The following PAPOLG variants were observed in gnomAD, a reference collection of about 807,000 sequenced individuals.
PAPOLG encodes the protein poly(A) polymerase gamma.
PAPOLG carries 40 observed loss-of-function variants against 99.0 expected under a neutral mutation model. The ratio of observed to expected loss-of-function variants is 0.40; its 90% CI spans 0.31 to 0.53. The LOEUF (loss-of-function observed/expected upper bound fraction) is 0.53, where lower values mean the gene tolerates loss of function less well. PAPOLG is among the 20% of genes least tolerant of loss of function. The pLI is 0.41. For synonymous variants in PAPOLG, 310 were observed against 299.3 expected (o/e 1.04, Z -0.37); for missense variants, 675 against 884.1 (o/e 0.76, Z 3.00).
intron 13 of PAPOLG, among the ~76,000 whole-genome samples, chr2:60,786,393 A>G (rs1573248079): frequency 6.6e-6 from 1 of 151,106 alleles, no homozygotes. Flanking sequence ...ATACTCGGCC[A>G]ATTTTTTTTG....
chr2:60,762,786 C>G (rs1049691864), intron 3 of PAPOLG, among the ~76,000 whole-genome samples: 1 of 151,902 alleles, frequency 6.6e-6, no homozygotes, highest in Non-Finnish European at 1.5e-5. Context: ...ACCACCACAC[C>G]GGGCTAATTT....
At chr2:60,761,677 G>A in intron 2 of PAPOLG, 64 bp from the exon 3 acceptor site, 1 of 1,446,924 alleles carries the variant, frequency 6.9e-7, no homozygotes, top group Non-Finnish European at 9.7e-7. Context: ...GCCTATATGG[G>A]TTTTTAAAAA....
chr2:60,794,003 C>T lies in PAPOLG; in HGVS notation c.1801C>T (p.Pro601Ser), dbSNP rs377453582. ...VDSTVKTVSP[P>S]TVCTIPTVVG... The stretch of plus-strand genomic sequence containing the variant: ...CTCTACAGTAAAAACTGTATCACCC[C>T]CCACTGTGTGTACCATTCCTACCGT... Residue 601 changes from proline (P) to serine (S), a missense_variant, in exon 19 of 22, where the codon CCC becomes TCC. Pro to Ser is a moderately conservative substitution (Grantham distance 74). Around this residue, in one of 3 missense-constraint regions of PAPOLG, gnomAD observed 413 missense variants for 460.5 expected, o/e 0.90. Coordinates refer to ENST00000238714, the MANE Select transcript of PAPOLG (RefSeq NM_022894.4). The T allele has an allele frequency of 2.7e-5, 43 of 1,612,148 alleles. No individual in the cohort carries two copies. The highest frequency in any genetic ancestry group is 3.6e-5 in the Non-Finnish European group (43 of 1,178,362).
At chr2:60,780,827 C>A in intron 10 of PAPOLG, 48 bp downstream of exon 10, 1 of 1,421,358 alleles carries the variant, frequency 7.0e-7, no homozygotes, top group Non-Finnish European at 9.9e-7. Flanking sequence ...AGGAAGAGGA[C>A]ATTTCACTAA....
intron 11 of PAPOLG, 119 bp from the exon 12 acceptor site, chr2:60,782,564 GAAA>G (rs34284101): frequency 1.6e-6 from 2 of 1,223,422 alleles, no homozygotes; most frequent in South Asian, 1.9e-5. Flanking sequence ...CTCAAAAAAA[GAAA>G]AAAAAAAATT....
At chr2:60,785,972 A>G (rs1671349837) in intron 13 of PAPOLG, among the ~76,000 whole-genome samples, 3 of 152,158 alleles carry the variant, frequency 2.0e-5, no homozygotes, top group Admixed American at 2.0e-4. Context: ...TCAGGAATGC[A>G]TTACATAGAT....
chr2:60,793,304 T>C (rs1010830500), intron 17 of PAPOLG, among the ~76,000 whole-genome samples: 1 of 150,616 alleles, frequency 6.6e-6, no homozygotes, highest in Non-Finnish European at 1.5e-5. Flanking sequence ...CATCTATAAT[T>C]TCAGCACTTT....
Position 60,787,040 on chromosome 2 carries a change from C to T in PAPOLG, c.1260C>T (p.Phe420=). The change falls in exon 14 of 22, where the codon TTC becomes TTT. Residue 420 remains phenylalanine (F), a synonymous_variant. Coordinates refer to ENST00000238714, the MANE Select transcript of PAPOLG (RefSeq NM_022894.4). ...ITLAHVNPQS[F]PGNKEHHKDN... Reference sequence around the variant, plus strand: ...TTGCCCATGTGAATCCCCAGTCATTCCCAGGGAATAAGGAACATCATAAAG... The same window carrying T: ...TTGCCCATGTGAATCCCCAGTCATTTCCAGGGAATAAGGAACATCATAAAG... 1 of 1,610,582 alleles carries T rather than the reference C, an allele frequency of 6.2e-7. No homozygotes were observed. The highest frequency in any genetic ancestry group is 8.5e-7 in the Non-Finnish European group (1 of 1,177,682).
Position 60,792,381 on chromosome 2 carries a change from T to C in PAPOLG, c.1679+92T>C, listed in dbSNP as rs186207967. ...TTTCTATACCTCTGCTACTGCCTTT[T>C]AAAATTGTTAAAAGATTTCATTTTA... On this transcript the variant is annotated intron_variant, in intron 17 of 21. Coordinates refer to ENST00000238714, the MANE Select transcript of PAPOLG (RefSeq NM_022894.4). 6 of 1,149,780 alleles carry C rather than the reference T, an allele frequency of 5.2e-6. No individual in the cohort carries two copies. The Admixed American group carries it at 1.7e-4, about 32-fold the overall frequency. 71.2% of individuals were successfully genotyped at this position (1,149,780 alleles called of 1,614,324 possible). A position where few individuals can be genotyped will look rare whatever the true frequency, so the allele number is the denominator to read the frequency against.
chr2:60,788,221 T>C (rs1269197950), intron 15 of PAPOLG, among the ~76,000 whole-genome samples: 1 of 152,084 alleles, frequency 6.6e-6, no homozygotes, highest in East Asian at 1.9e-4. Context: ...TTAAAAAAAA[T>C]GGCAAGACTG....
chr2:60,765,814 T>A (rs1456745999), intron 3 of PAPOLG, among the ~76,000 whole-genome samples: 1 of 152,184 alleles, frequency 6.6e-6, no homozygotes, highest in East Asian at 1.9e-4. Flanking sequence ...TTCATGTTAA[T>A]CATCAATAAA....
chr2:60,760,469 A>G (rs749540262), intron 2 of PAPOLG, among the ~76,000 whole-genome samples, 174 bp downstream of exon 2: 1 of 152,220 alleles, frequency 6.6e-6, no homozygotes, highest in South Asian at 2.1e-4. Context: ...GAGATTTGTC[A>G]TCAATAATAT....
chr2:60,794,713 A>C lies in PAPOLG; in HGVS notation c.1993A>C (p.Ile665Leu). The change falls in exon 20 of 22, where the codon ATT becomes CTT. Residue 665 changes from isoleucine (I) to leucine (L), a missense_variant. By Grantham distance (5) the Ile-to-Leu change is conservative. Around this residue, in one of 3 missense-constraint regions of PAPOLG, gnomAD observed 413 missense variants for 460.5 expected, o/e 0.90. Coordinates refer to ENST00000238714, the MANE Select transcript of PAPOLG (RefSeq NM_022894.4). ...TATTTCAATGTTTATATTTTAGTTT[A>C]TTCGACTTGAATCAACATTTAAGGA... ...PKRLKDVEKF[I>L]RLESTFKDPR... 6.2e-7 allele frequency: 1 copy of C among 1,610,560 alleles called. No individual in the cohort carries two copies. The highest frequency in any genetic ancestry group is 8.5e-7 in the Non-Finnish European group (1 of 1,177,060).
intron 8 of PAPOLG, among the ~76,000 whole-genome samples, chr2:60,779,026 A>G (rs1671114126): frequency 6.6e-6 from 1 of 151,990 alleles, no homozygotes; most frequent in Non-Finnish European, 1.5e-5. Flanking sequence ...GTTTGAGGCT[A>G]CAGTGAATTA....
chr2:60,764,116 T>A (rs1025930263), intron 3 of PAPOLG, among the ~76,000 whole-genome samples: 1 of 152,180 alleles, frequency 6.6e-6, no homozygotes, highest in Non-Finnish European at 1.5e-5. Context: ...CAATTGAATT[T>A]TTATTATTGT....
At chr2:60,781,782 T>TAGTA (rs1225313461) in intron 10 of PAPOLG, 103 bp from the exon 11 acceptor site, 1 of 1,449,856 alleles carries the variant, frequency 6.9e-7, no homozygotes, top group Non-Finnish European at 9.4e-7. Context: ...TGAGGAAATG[T>TAGTA]AGTATTAAAT....
At chr2:60,771,899 T>G (rs1280765010) in intron 7 of PAPOLG, among the ~76,000 whole-genome samples, 1 of 152,176 alleles carries the variant, frequency 6.6e-6, no homozygotes, top group Non-Finnish European at 1.5e-5. Context: ...CAAAAAGCTT[T>G]TGTTTATGTG....
intron 13 of PAPOLG, among the ~76,000 whole-genome samples, chr2:60,785,753 A>G (rs1232313714): frequency 6.7e-6 from 1 of 149,754 alleles, no homozygotes; most frequent in Non-Finnish European, 1.5e-5. Flanking sequence ...GGTGATCTCG[A>G]ACTCCTGGCT....
intron 13 of PAPOLG, 111 bp downstream of exon 13, chr2:60,783,320 A>ATC (rs1308487706): frequency 1.2e-5 from 4 of 339,868 alleles, no homozygotes; most frequent in African/African-American, 3.3e-5. Flanking sequence ...AAATTATTAT[A>ATC]TCTCTTTTTT....
Sources: gnomAD v4.1 joint callset for allele counts (sites outside exome capture counted in the v4.1 genomes callset) on GRCh38, gnomAD v4.1.1 for gene constraint, gnomAD v4.1.1 regional missense constraint, MANE v1.5 for transcripts, NCBI Gene and HGNC (gene_info 2026-07-23, HGNC 2026-07-21) for gene names.